ZEB1: variants seen among roughly 807,000 people sequenced by gnomAD.
ZEB1 encodes zinc finger E-box-binding homeobox 1.
Under a neutral mutation model 84.9 loss-of-function variants are expected in ZEB1, and 21 were observed. The ratio of observed to expected loss-of-function variants is 0.25; its 90% confidence interval spans 0.18 to 0.36. The LOEUF is 0.36. Ranked by LOEUF, ZEB1 falls within the 10% of genes least tolerant of loss-of-function variation. The pLI, the probability that ZEB1 is intolerant of heterozygous loss-of-function variation, is 1.00. For missense variants in ZEB1, 1,104 were observed against 1,330.2 expected, an observed-to-expected ratio of 0.83 and a Z score of 2.65; for synonymous variants, 420 against 471.1, an observed-to-expected ratio of 0.89 and a Z score of 1.41.
At chr10:31,482,147 A>G (rs547420796) in intron 2 of ZEB1, among the ~76,000 whole-genome samples, 248 of 152,192 alleles carry the variant, frequency 1.6e-3, no homozygotes, top group Non-Finnish European at 2.7e-3. Context: ...TGATAATATC[A>G]CCAGTAATAA....
Position 31,521,035 on chromosome 10 carries a change from A to G in ZEB1, c.1703A>G (p.Glu568Gly). 2 of 1,614,072 alleles carry G rather than the reference A, an allele frequency of 1.2e-6. No individual in the cohort carries two copies. Among genetic ancestry groups the G allele is most frequent in the South Asian group, 2.2e-5 (2 of 91,080 alleles). The change falls in exon 7 of 9, where the codon GAG (glutamate) becomes GGG (glycine). Residue 568 changes from glutamate (E) to glycine (G), a missense_variant. Transcript: ENST00000424869. ...CCTCCACTCCCTGCAGCAGAAGCTG[A>G]GAAGCCTGAGTCCTCTGTTTCATCA... is the stretch of plus-strand genomic sequence containing the variant. ...QPPPLPAAEA[E>G]KPESSVSSAT...
Position 31,526,854 on chromosome 10 carries a change from G to C in ZEB1, c.2968G>C (p.Glu990Gln). Reference sequence around the variant, plus strand: ...TCATCGCTACTCCTACTGTAAGAGAGAAGCGGAAGAACGTGACAGCACAGA... The same window carrying C: ...TCATCGCTACTCCTACTGTAAGAGACAAGCGGAAGAACGTGACAGCACAGA... ...MNHRYSYCKR[E>Q]AEERDSTEQE... Residue 990 changes from glutamate to glutamine, a missense_variant, in exon 9 of 9, where the codon GAA (glutamate) becomes CAA (glutamine). By Grantham distance (29) the Glu-to-Gln change is conservative. Around this residue, in one of 7 missense-constraint regions of ZEB1, gnomAD observed 173 missense variants for 167.0 expected, o/e 1.04. Transcript: ENST00000424869. The C allele has an allele frequency of 1.2e-6, 2 of 1,614,174 alleles. No homozygotes were observed. Among genetic ancestry groups the C allele is most frequent in the Non-Finnish European group, 8.5e-7 (1 of 1,180,036 alleles).
chr10:31,519,823 G>A (rs1273801888), intron 6 of ZEB1, among the ~76,000 whole-genome samples: 2 of 152,138 alleles, frequency 1.3e-5, no homozygotes, highest in Non-Finnish European at 2.9e-5. Flanking sequence ...AGAGTAGAAT[G>A]TAATTACTTT....
chr10:31,436,906 A>G (rs2058355320), intron 1 of ZEB1, among the ~76,000 whole-genome samples: 2 of 152,208 alleles, frequency 1.3e-5, no homozygotes, highest in South Asian at 4.1e-4. Flanking sequence ...AAAAGTTTAT[A>G]TAAGAAAATG....
At chr10:31,401,209 G>T (rs1171487649) in intron 1 of ZEB1, among the ~76,000 whole-genome samples, 1 of 152,138 alleles carries the variant, frequency 6.6e-6, no homozygotes, top group Non-Finnish European at 1.5e-5. Context: ...CAATAATTTT[G>T]TCAGTGACAC....
At chr10:31,360,537 G>A (rs552991959) in intron 1 of ZEB1, among the ~76,000 whole-genome samples, 21 of 152,280 alleles carry the variant, frequency 1.4e-4, no homozygotes, top group African/African-American at 4.6e-4. Flanking sequence ...TATGACAGCT[G>A]TTAAGATCTC....
chr10:31,346,489 A>G (rs1161128877), intron 1 of ZEB1, among the ~76,000 whole-genome samples: 29 of 152,158 alleles, frequency 1.9e-4, no homozygotes. Context: ...TTTATTTTAA[A>G]TTAGATGGCT....
At chr10:31,328,376 A>G (rs1196488281) in intron 1 of ZEB1, among the ~76,000 whole-genome samples, 1 of 152,180 alleles carries the variant, frequency 6.6e-6, no homozygotes, top group Non-Finnish European at 1.5e-5. Flanking sequence ...GAATTGGGAA[A>G]GTTTAAATGA....
At chr10:31,471,682 A>T (rs2063273708) in intron 2 of ZEB1, among the ~76,000 whole-genome samples, 1 of 147,512 alleles carries the variant, frequency 6.8e-6, no homozygotes. Flanking sequence ...GATACCCAGG[A>T]ATTGAACTCA....
At chr10:31,318,939 A>G (rs1235846540), upstream of ZEB1, 6 of 460,536 alleles carry the variant, frequency 1.3e-5, no homozygotes, top group African/African-American at 8.0e-5. Flanking sequence ...CCGCGTCCCT[A>G]CGGTTTCCCG....
intron 1 of ZEB1, among the ~76,000 whole-genome samples, chr10:31,347,169 A>G (rs1411391014): frequency 6.6e-6 from 1 of 152,160 alleles, no homozygotes; most frequent in Non-Finnish European, 1.5e-5. Flanking sequence ...GAGGAAGAAA[A>G]TGAATTGTGC....
rs775271989 is a variant in ZEB1, at chr10:31,521,392, C to T, written c.2060C>T (p.Ser687Phe). ...CAAAGTCCTTTGAAGATGACTAACT[C>T]CCCAGTTTTACCAGTGGGATCAACC... is the stretch of plus-strand genomic sequence containing the variant. ...NLQSPLKMTN[S>F]PVLPVGSTTN... Residue 687 changes from serine to phenylalanine, a missense_variant, in exon 7 of 9, where the codon TCC becomes TTC. By Grantham distance (155) the Ser-to-Phe change is radical. Coordinates refer to ENST00000424869, the MANE Select transcript of ZEB1 (RefSeq NM_001174096.2). The T allele has an allele frequency of 3.1e-6, 5 of 1,614,062 alleles. No homozygotes were observed. The highest frequency in any genetic ancestry group is 4.2e-6 in the Non-Finnish European group (5 of 1,180,010).
At chr10:31,498,661 CAGT>C (rs980322600) in intron 3 of ZEB1, among the ~76,000 whole-genome samples, 2 of 151,874 alleles carry the variant, frequency 1.3e-5, no homozygotes, top group African/African-American at 4.8e-5. Context: ...TTTTAAATGT[CAGT>C]AGTTACAATT....
chr10:31,418,679 G>C (rs1030243042), intron 1 of ZEB1, among the ~76,000 whole-genome samples: 7 of 152,180 alleles, frequency 4.6e-5, no homozygotes, highest in African/African-American at 1.7e-4. Flanking sequence ...TTGTGTTCTA[G>C]AGTCACATCA....
At chr10:31,456,228 A>T (rs1178429781) in intron 1 of ZEB1, among the ~76,000 whole-genome samples, 1 of 152,148 alleles carries the variant, frequency 6.6e-6, no homozygotes, top group East Asian at 1.9e-4. Context: ...GGACATAGGA[A>T]GGGCAGCATC....
intron 1 of ZEB1, among the ~76,000 whole-genome samples, chr10:31,335,973 T>C (rs1219610436): frequency 6.6e-6 from 1 of 152,124 alleles, no homozygotes; most frequent in African/African-American, 2.4e-5. Context: ...TAGCATTATA[T>C]CATCATAAAA....
At chr10:31,482,180 C>T (rs2065129980) in intron 2 of ZEB1, among the ~76,000 whole-genome samples, 1 of 151,946 alleles carries the variant, frequency 6.6e-6, no homozygotes, top group South Asian at 2.1e-4. Context: ...TACCATGTGC[C>T]ACTAGTGTGG....
chr10:31,360,774 TA>T (rs1337514584), intron 1 of ZEB1, among the ~76,000 whole-genome samples: 2 of 152,250 alleles, frequency 1.3e-5, no homozygotes, highest in African/African-American at 2.4e-5. Flanking sequence ...GTGATTTTTT[TA>T]AATGCAAAGG....
intron 1 of ZEB1, among the ~76,000 whole-genome samples, chr10:31,410,663 T>C (rs553166673): frequency 2.6e-5 from 4 of 152,334 alleles, no homozygotes; most frequent in African/African-American, 9.6e-5. Flanking sequence ...AGGCTATTAA[T>C]TACTGCCTCA....
Sources: gnomAD v4.1 joint callset for allele counts (sites outside exome capture counted in the v4.1 genomes callset) on GRCh38, gnomAD v4.1.1 for gene constraint, gnomAD v4.1.1 regional missense constraint, MANE v1.5 for transcripts, NCBI Gene and HGNC (gene_info 2026-07-23, HGNC 2026-07-21) for gene names.